Variants in GADL1 observed in about 807,000 individuals in gnomAD.
The protein encoded by GADL1 is acidic amino acid decarboxylase GADL1.
Under a neutral mutation model 69.5 loss-of-function variants are expected in GADL1, and 71 were observed. That is an observed-to-expected ratio of 1.02 (90% confidence interval 0.84 to 1.25). The LOEUF is 1.25. Among genes scored for constraint, GADL1 ranks in the 50% most tolerant of loss-of-function variants. GADL1 has a pLI of 0.00. For missense variants in GADL1, 737 were observed against 631.8 expected, an observed-to-expected ratio of 1.17 and a Z score of -1.79; for synonymous variants, 254 against 214.4, an observed-to-expected ratio of 1.18 and a Z score of -1.62.
At chr3:30,816,057 T>C (rs1312185405) in intron 11 of GADL1, among the ~76,000 whole-genome samples, 1 of 152,210 alleles carries the variant, frequency 6.6e-6, no homozygotes, top group Non-Finnish European at 1.5e-5. Flanking sequence ...ATTTATCCAC[T>C]TGTTTTATCT....
intron 1 of GADL1, among the ~76,000 whole-genome samples, chr3:30,872,797 C>A (rs532642184): frequency 6.6e-6 from 1 of 151,906 alleles, no homozygotes. Flanking sequence ...AGTCATTCTG[C>A]ACTCTGTGAA....
chr3:30,779,509 C>CT (rs1376019094), intron 13 of GADL1, among the ~76,000 whole-genome samples: 4 of 151,918 alleles, frequency 2.6e-5, no homozygotes, highest in Admixed American at 2.0e-4. Context: ...TCTATTGAGA[C>CT]TACAGTCATT....
At chr3:30,842,016 G>T (rs1697973402) in intron 8 of GADL1, among the ~76,000 whole-genome samples, 1 of 152,146 alleles carries the variant, frequency 6.6e-6, no homozygotes, top group Admixed American at 6.5e-5. Context: ...AATCTATAAT[G>T]TGGAAAGCTA....
At position 30,827,347 on chromosome 3, in the gene GADL1, G is replaced by GACCT. The variant is rs1553601247; in HGVS notation, c.1050+6505_1050+6506insAGGT. On this transcript the variant is annotated intron_variant, in intron 11 of 14. Transcript: ENST00000282538. ...TAGGACCAGTACACATTTATGACTA[G>GACCT]GTGGTAACTGATGATTGAGATCAGA... Among the ~76,000 whole-genome samples, 321 of 151,830 alleles carry GACCT rather than the reference G, an allele frequency of 2.1e-3. 1 individual carries two copies. Among genetic ancestry groups the GACCT allele is most frequent in the Non-Finnish European group, 3.5e-3 (236 of 67,802 alleles).
chr3:30,754,562 TA>T (rs772925958), intron 14 of GADL1, among the ~76,000 whole-genome samples: 9 of 152,138 alleles, frequency 5.9e-5, no homozygotes, highest in Non-Finnish European at 1.3e-4. Context: ...AAGAGTGTAT[TA>T]CCTCAATGGC....
chr3:30,855,517 C>G (rs1698215639), intron 3 of GADL1, among the ~76,000 whole-genome samples: 1 of 152,072 alleles, frequency 6.6e-6, no homozygotes, highest in Non-Finnish European at 1.5e-5. Flanking sequence ...TAAGATGTGA[C>G]TCACTATGCG....
At chr3:30,746,817 T>A (rs1695709882) in intron 14 of GADL1, among the ~76,000 whole-genome samples, 2 of 152,158 alleles carry the variant, frequency 1.3e-5, no homozygotes, top group South Asian at 4.1e-4. Context: ...GTGAACCAGA[T>A]CTATCATATC....
chr3:30,763,481 G>A (rs1393116264), intron 14 of GADL1, among the ~76,000 whole-genome samples: 12 of 114,352 alleles, frequency 1.0e-4, no homozygotes, highest in African/African-American at 4.2e-4. Flanking sequence ...CAGCCTGGGC[G>A]ACAGAGCAAG....
intron 8 of GADL1, among the ~76,000 whole-genome samples, chr3:30,839,816 TAGAG>T (rs1435191882): frequency 1.3e-5 from 2 of 152,072 alleles, no homozygotes; most frequent in South Asian, 2.1e-4. Flanking sequence ...TGGTGGGAAA[TAGAG>T]AAGAAAAGGG....
In GADL1 at chr3:30,817,080, A is replaced by G. The variant is rs1236111712; in HGVS notation, c.1051-15992T>C. 3.3e-5 allele frequency among the ~76,000 whole-genome samples: 5 copies of G among 152,150 alleles called. No homozygotes were observed. The East Asian group carries it at 9.6e-4, about 29-fold the overall frequency. On this transcript the variant is annotated intron_variant, in intron 11 of 14. Coordinates refer to ENST00000282538, the MANE Select transcript of GADL1 (RefSeq NM_207359.3). ...ACATTTTCTTTCTCCCCTGCCTTAC[A>G]AAATCCATGAACCCATTACAATGAT...
intron 14 of GADL1, among the ~76,000 whole-genome samples, chr3:30,775,895 G>GCC (rs1696525606): frequency 6.6e-6 from 1 of 152,112 alleles, no homozygotes; most frequent in South Asian, 2.1e-4. Context: ...TCAAAGCCTG[G>GCC]CCAACATGGT....
intron 11 of GADL1, among the ~76,000 whole-genome samples, chr3:30,816,072 A>T (rs540836970): frequency 6.6e-6 from 1 of 152,156 alleles, no homozygotes; most frequent in African/African-American, 2.4e-5. Flanking sequence ...TTATCTGTTT[A>T]TTGAACTTGC....
intron 14 of GADL1, among the ~76,000 whole-genome samples, chr3:30,763,720 C>T (rs916150171): frequency 6.6e-6 from 1 of 152,124 alleles, no homozygotes; most frequent in Non-Finnish European, 1.5e-5. Flanking sequence ...CAGTTTCTCA[C>T]ATTGTAAAGT....
At chr3:30,885,548 C>T (rs1253571540) in intron 1 of GADL1, among the ~76,000 whole-genome samples, 6 of 152,050 alleles carry the variant, frequency 3.9e-5, no homozygotes, top group East Asian at 3.9e-4. Flanking sequence ...TACAGACAAG[C>T]GAATGAATCT....
Position 30,726,377 on chromosome 3 carries a change from T to C in GADL1, c.*1865A>G, listed in dbSNP as rs188977851. 5 of 152,264 alleles carry C rather than the reference T, an allele frequency of 3.3e-5. No homozygotes were observed. The East Asian group carries it at 7.7e-4, about 23-fold the overall frequency. The allele number at this position is 152,264 out of a possible 1,614,324, so 9.4% of individuals were successfully genotyped here. On this transcript the variant is annotated 3_prime_UTR_variant, in exon 15 of 15. Coordinates refer to ENST00000282538, the MANE Select transcript of GADL1 (RefSeq NM_207359.3). ...AAAGAAAAGTCAACAACACTAAGTA[T>C]AGTAATGTTCCTTTTTGTTTCATGA...
chr3:30,891,907 T>G (rs1302362291), intron 1 of GADL1, among the ~76,000 whole-genome samples: 2 of 152,066 alleles, frequency 1.3e-5, no homozygotes, highest in Non-Finnish European at 2.9e-5. Flanking sequence ...TGATTTCAAT[T>G]TTATTACAAC....
intron 5 of GADL1, 101 bp from the exon 6 acceptor site, chr3:30,850,212 C>T: frequency 1.4e-6 from 1 of 694,088 alleles, no homozygotes; most frequent in Non-Finnish European, 2.6e-6. Flanking sequence ...CTGCTCTAGT[C>T]TAATGAAAAA....
intron 6 of GADL1, among the ~76,000 whole-genome samples, chr3:30,844,894 G>T (rs145220450): frequency 6.6e-6 from 1 of 152,124 alleles, no homozygotes; most frequent in African/African-American, 2.4e-5. Context: ...GAAAAGTAAA[G>T]TTTCTCCTGA....
intron 14 of GADL1, among the ~76,000 whole-genome samples, chr3:30,740,382 T>C (rs12637674): frequency 0.21 from 32,450 of 152,064 alleles, 5,254 homozygotes; most frequent in African/African-American, 0.45. Context: ...TCTTGGAGTC[T>C]GGCATTCTTT....
Sources: gnomAD v4.1 joint callset for allele counts (sites outside exome capture counted in the v4.1 genomes callset) on GRCh38, gnomAD v4.1.1 for gene constraint, MANE v1.5 for transcripts, NCBI Gene and HGNC (gene_info 2026-07-23, HGNC 2026-07-21) for gene names.